Variants in RBPMS observed in about 807,000 individuals in gnomAD.
RBPMS encodes the protein RNA-binding protein with multiple splicing.
RBPMS carries 7 observed loss-of-function variants against 26.8 expected under a neutral mutation model. The ratio of observed to expected loss-of-function variants is 0.26; its 90% CI spans 0.15 to 0.49. The LOEUF (loss-of-function observed/expected upper bound fraction) is 0.49, where lower values mean the gene tolerates loss of function less well. RBPMS is among the 20% of genes least tolerant of loss of function. The pLI is 0.98. For synonymous variants in RBPMS, 96 were observed against 93.3 expected (o/e 1.03, Z -0.17); for missense variants, 186 against 250.0 (o/e 0.74, Z 1.73).
intron 4 of RBPMS, among the ~76,000 whole-genome samples, chr8:30,481,557 T>TC (rs1162998039): frequency 2.6e-5 from 4 of 152,118 alleles, no homozygotes; most frequent in African/African-American, 9.7e-5. Context: ...TTTTTTTTTT[T>TC]CACTGGCAGT....
At chr8:30,558,705 G>A in intron 6 of RBPMS, 182 bp from the exon 7 acceptor site, 1 of 666,974 alleles carries the variant, frequency 1.5e-6, no homozygotes, top group Non-Finnish European at 2.7e-6. Context: ...AATGGTGTGT[G>A]GAACGCCTCT....
intron 4 of RBPMS, among the ~76,000 whole-genome samples, chr8:30,486,113 G>A (rs899055539): frequency 3.3e-5 from 5 of 152,170 alleles, no homozygotes; most frequent in African/African-American, 1.2e-4. Flanking sequence ...TTGGGAGGCT[G>A]AGGTGGGCAG....
At chr8:30,567,912 C>T (rs1010150722) in intron 8 of RBPMS, among the ~76,000 whole-genome samples, 1 of 152,114 alleles carries the variant, frequency 6.6e-6, no homozygotes, top group Non-Finnish European at 1.5e-5. Context: ...GTTACAGCAG[C>T]GAGTTTGGAG....
At chr8:30,538,195 C>A (rs1343227496) in intron 5 of RBPMS, among the ~76,000 whole-genome samples, 4 of 152,144 alleles carry the variant, frequency 2.6e-5, no homozygotes, top group African/African-American at 9.7e-5. Flanking sequence ...GTACAGAACA[C>A]AAAAACCGCC....
At chr8:30,453,767 A>G (rs1311635962) in intron 1 of RBPMS, 2 of 152,190 alleles carry the variant, frequency 1.3e-5, no homozygotes, top group Non-Finnish European at 2.9e-5. Context: ...GCACTTGGCA[A>G]TAGGAGCTTT....
intron 4 of RBPMS, among the ~76,000 whole-genome samples, chr8:30,484,499 T>C (rs1818588377): frequency 6.6e-6 from 1 of 152,182 alleles, no homozygotes; most frequent in African/African-American, 2.4e-5. Flanking sequence ...AAATAGATTT[T>C]AGAATAAAGA....
chr8:30,549,382 G>C, intron 6 of RBPMS: 1 of 826,402 alleles, frequency 1.2e-6, no homozygotes, highest in East Asian at 2.4e-5. Context: ...GAAAACGACA[G>C]CTTTGAAGGA....
At chr8:30,532,778 C>G (rs1824372256) in intron 5 of RBPMS, among the ~76,000 whole-genome samples, 1 of 152,210 alleles carries the variant, frequency 6.6e-6, no homozygotes, top group South Asian at 2.1e-4. Flanking sequence ...GGACACTTTT[C>G]AGATGACATA....
At chr8:30,504,163 T>C in intron 4 of RBPMS, 123 bp from the exon 5 acceptor site, 1 of 918,526 alleles carries the variant, frequency 1.1e-6, no homozygotes, top group South Asian at 1.5e-5. Flanking sequence ...GTAGTAAGAA[T>C]GAGAGTGGTT....
At chr8:30,485,335 A>G (rs922047202) in intron 4 of RBPMS, among the ~76,000 whole-genome samples, 10 of 152,300 alleles carry the variant, frequency 6.6e-5, no homozygotes, top group East Asian at 3.9e-4. Flanking sequence ...ACCAGACACT[A>G]TATCAATATG....
At chr8:30,428,207 A>T (rs1811568316) in intron 1 of RBPMS, among the ~76,000 whole-genome samples, 1 of 151,842 alleles carries the variant, frequency 6.6e-6, no homozygotes, top group Non-Finnish European at 1.5e-5. Flanking sequence ...TATTTTTAGT[A>T]GAGATGGGGT....
intron 1 of RBPMS, among the ~76,000 whole-genome samples, chr8:30,385,609 C>A (rs1305872646): frequency 1.3e-5 from 2 of 151,996 alleles, no homozygotes; most frequent in African/African-American, 4.8e-5. Flanking sequence ...CCCTCCCTTT[C>A]CGTGTTAAAA....
Position 30,430,010 on chromosome 8 carries a change from C to T in RBPMS, c.67-44769C>T, listed in dbSNP as rs1033354854. Among the ~76,000 whole-genome samples the T allele has an allele frequency of 2.6e-5, 4 of 152,276 alleles. No individual in the cohort carries two copies. In the South Asian group the frequency reaches 8.3e-4, roughly 32 times the overall value. The stretch of plus-strand genomic sequence containing the variant: ...TCTGAAATCTGGCCCGGCGCAGGGG[C>T]TCATGCCTGTAATCACAGCCCTTTG... On this transcript the variant is annotated intron_variant, in intron 1 of 8. Transcript: ENST00000397323.
At chr8:30,543,199 T>C (rs1188210074) in intron 5 of RBPMS, among the ~76,000 whole-genome samples, 1 of 152,228 alleles carries the variant, frequency 6.6e-6, no homozygotes, top group Non-Finnish European at 1.5e-5. Context: ...CCTGACTCCC[T>C]ACCATCCTGA....
chr8:30,539,263 A>G (rs1825129152), intron 5 of RBPMS, among the ~76,000 whole-genome samples: 1 of 152,178 alleles, frequency 6.6e-6, no homozygotes, highest in African/African-American at 2.4e-5. Flanking sequence ...TGAGTTTCTT[A>G]TAGCAAGTTG....
At chr8:30,507,133 G>T (rs1021993934) in intron 5 of RBPMS, among the ~76,000 whole-genome samples, 2 of 152,198 alleles carry the variant, frequency 1.3e-5, no homozygotes, top group African/African-American at 4.8e-5. Context: ...TTGCAACTTA[G>T]CTGGGTAGAT....
chr8:30,514,278 A>G (rs1305813726), intron 5 of RBPMS, among the ~76,000 whole-genome samples: 2 of 152,190 alleles, frequency 1.3e-5, no homozygotes, highest in South Asian at 2.1e-4. Context: ...GGGAGTGTAC[A>G]TAAAGCTGTT....
intron 4 of RBPMS, among the ~76,000 whole-genome samples, chr8:30,488,354 A>C (rs972776891): frequency 6.6e-6 from 1 of 152,240 alleles, no homozygotes; most frequent in African/African-American, 2.4e-5. Flanking sequence ...ATTTCTGTAT[A>C]ATGTCTCACA....
intron 1 of RBPMS, among the ~76,000 whole-genome samples, chr8:30,395,488 A>G (rs1173823044): frequency 3.1e-5 from 3 of 97,598 alleles, no homozygotes; most frequent in African/African-American, 1.7e-4. Flanking sequence ...AAAAAAAAAA[A>G]GACCAGGTGC....
Sources: allele counts gnomAD v4.1 joint callset (sites outside exome capture counted in the v4.1 genomes callset), GRCh38; gene constraint gnomAD v4.1.1; transcripts MANE v1.5; gene names NCBI Gene and HGNC (gene_info 2026-07-23, HGNC 2026-07-21).